Variants in MAP4K1 observed in about 807,000 individuals in gnomAD.
The protein encoded by MAP4K1 is MAPK/ERK kinase kinase kinase 1.
MAP4K1 carries 35 observed loss-of-function variants against 122.8 expected under a neutral mutation model. That is an observed-to-expected ratio of 0.29 (90% confidence interval 0.22 to 0.38). The LOEUF is 0.38. MAP4K1 is among the 10% of genes least tolerant of loss of function. The pLI, the probability that MAP4K1 is intolerant of heterozygous loss-of-function variation, is 1.00. For missense variants in MAP4K1, 791 were observed against 1,072.6 expected, an observed-to-expected ratio of 0.74 and a Z score of 3.67; for synonymous variants, 412 against 421.3, an observed-to-expected ratio of 0.98 and a Z score of 0.27.
At position 38,587,689 on chromosome 19, in the gene MAP4K1, A is replaced by G; in HGVS notation, c.*59T>C. 1 of 1,292,572 alleles carries G rather than the reference A, an allele frequency of 7.7e-7. No individual in the cohort carries two copies. 80.1% of individuals were successfully genotyped at this position (1,292,572 alleles called of 1,614,324 possible). On this transcript the variant is annotated 3_prime_UTR_variant, in exon 31 of 31. Coordinates refer to ENST00000396857, the MANE Select transcript of MAP4K1 (RefSeq NM_001042600.3). Reference sequence around the variant, plus strand: ...TGGGAGATGAGGACATGCCATGACCACTAGTGTGTCTATGGGGGAGGGGGT... The same window carrying G: ...TGGGAGATGAGGACATGCCATGACCGCTAGTGTGTCTATGGGGGAGGGGGT...
chr19:38,601,303 C>G (rs1243552153), intron 20 of MAP4K1, 138 bp downstream of exon 20: 11 of 700,306 alleles, frequency 1.6e-5, no homozygotes, highest in Non-Finnish European at 2.6e-5. Context: ...AGCTCCGCCC[C>G]TGTTTCAGCC....
chr19:38,596,126 G>A lies in MAP4K1; in HGVS notation c.2117-125C>T, dbSNP rs895779730. On this transcript the variant is annotated intron_variant, in intron 26 of 30. Transcript: ENST00000396857. ...TTCACAAGCAAGTGGGCTAAACCCC[G>A]CCCACCATCCCGGTCCCACCCCATC... is the stretch of plus-strand genomic sequence containing the variant. 18 of 1,287,700 alleles carry A rather than the reference G, an allele frequency of 1.4e-5. No homozygotes were observed. In the African/African-American group the frequency reaches 2.1e-4, roughly 15 times the overall value. 79.8% of individuals were successfully genotyped at this position (1,287,700 alleles called of 1,614,324 possible).
chr19:38,616,163 G>C, intron 4 of MAP4K1, 32 bp downstream of exon 4: 1 of 1,583,408 alleles, frequency 6.3e-7, no homozygotes, highest in Non-Finnish European at 8.6e-7. Context: ...GGATAGGGAG[G>C]GGTGCTTGGG....
rs55924696 is a variant in MAP4K1, at chr19:38,609,668, G to T, written c.934C>A (p.Pro312Thr). The change falls in exon 13 of 31, where the codon CCT (proline) becomes ACT (threonine). Residue 312 changes from proline (P) to threonine (T), a missense_variant. Physicochemically the swap from Pro to Thr is conservative, Grantham distance 38. This residue lies in a region of MAP4K1 where 303 missense variants were observed against 344.8 expected (regional missense o/e 0.88). Transcript: ENST00000396857. Reference sequence around the variant, plus strand: ...GATCTGATCCGCCGAGGGATAGCAGGGGGTAGCTGGGCAGAGGGGCAGCCA... The same window carrying T: ...GATCTGATCCGCCGAGGGATAGCAGTGGGTAGCTGGGCAGAGGGGCAGCCA... ...DIEDEEPELP[P>T]AIPRRIRSTH... The T allele has an allele frequency of 1.2e-3, 1,934 of 1,612,192 alleles. 2 individuals are homozygous for T. Among genetic ancestry groups the T allele is most frequent in the Non-Finnish European group, 1.2e-3 (1,384 of 1,179,276 alleles).
At chr19:38,588,986 G>A (rs191179895) in intron 30 of MAP4K1, among the ~76,000 whole-genome samples, 1 of 152,104 alleles carries the variant, frequency 6.6e-6, no homozygotes, top group Admixed American at 6.6e-5. Context: ...ATGAGACCAT[G>A]CTGGTATAAA....
At chr19:38,590,398 T>A (rs1410667839) in intron 30 of MAP4K1, among the ~76,000 whole-genome samples, 115 of 37,286 alleles carry the variant, frequency 3.1e-3, no homozygotes, top group African/African-American at 9.3e-3. Flanking sequence ...AAAAAAAATA[T>A]ATATATATAT....
At position 38,595,967 on chromosome 19, in the gene MAP4K1, C is replaced by T; in HGVS notation, c.2151G>A (p.Glu717=). The change falls in exon 27 of 31, where the codon GAG becomes GAA. Residue 717 remains glutamate, a synonymous_variant. Transcript: ENST00000396857. ...HRGPVQVTQV[E]EDMVMVLMDG... ...CCATCAACACCATCACCATATCTTCCTCTACCTGGGTCACCTGCACGGGTC... is the reference window on the plus strand; with the variant it reads ...CCATCAACACCATCACCATATCTTCTTCTACCTGGGTCACCTGCACGGGTC... The T allele has an allele frequency of 6.2e-7, 1 of 1,614,010 alleles. No homozygotes were observed. The highest frequency in any genetic ancestry group is 8.5e-7 in the Non-Finnish European group (1 of 1,179,980).
Position 38,597,414 on chromosome 19 carries a change from A to T in MAP4K1, c.1779-30T>A. 1 of 1,613,386 alleles carries T rather than the reference A, an allele frequency of 6.2e-7. No individual in the cohort carries two copies. The highest frequency in any genetic ancestry group is 8.5e-7 in the Non-Finnish European group (1 of 1,179,426). ...AGAATAGGTAGGTGTGAAGGGGGGT[A>T]GGACAGCAGGAGGCAGAGGGGCATG... On this transcript the variant is annotated intron_variant, in intron 23 of 30. Coordinates refer to ENST00000396857, the MANE Select transcript of MAP4K1 (RefSeq NM_001042600.3). The surrounding 1 kb of genome is among the most constrained non-coding windows in gnomAD (Gnocchi z 4.6).
At chr19:38,615,754 A>T (rs112844774) in intron 4 of MAP4K1, among the ~76,000 whole-genome samples, 1,861 of 152,158 alleles carry the variant, frequency 0.012, 33 homozygotes, top group African/African-American at 0.036. Context: ...GCCTCCCAGA[A>T]TCAAACGATT....
chr19:38,601,005 C>T (rs190890078), intron 20 of MAP4K1, among the ~76,000 whole-genome samples: 11 of 152,182 alleles, frequency 7.2e-5, no homozygotes, highest in Admixed American at 3.9e-4. Flanking sequence ...GAGGTTTTAC[C>T]ACGTTGGCCA....
intron 13 of MAP4K1, among the ~76,000 whole-genome samples, chr19:38,609,379 C>T (rs913516190): frequency 8.5e-5 from 13 of 152,110 alleles, no homozygotes; most frequent in African/African-American, 3.1e-4. Context: ...AGATGATCTG[C>T]CCACCTTGGC....
chr19:38,608,535 G>A (rs540343206), intron 13 of MAP4K1, among the ~76,000 whole-genome samples: 2 of 152,122 alleles, frequency 1.3e-5, no homozygotes, highest in East Asian at 1.9e-4. Context: ...AGTGGCTCAC[G>A]CCTGTAATCC....
intron 19 of MAP4K1, among the ~76,000 whole-genome samples, chr19:38,604,125 T>A (rs1975250454): frequency 2.3e-5 from 2 of 86,512 alleles, no homozygotes. Context: ...CGAGATACTA[T>A]CTCAAAAAAA....
chr19:38,599,623 C>T (rs1391007934), intron 22 of MAP4K1, among the ~76,000 whole-genome samples: 1 of 152,040 alleles, frequency 6.6e-6, no homozygotes, highest in Non-Finnish European at 1.5e-5. Context: ...GATTGTACCA[C>T]TGCGCTCCAG....
At chr19:38,602,726 A>G (rs1163258873) in intron 19 of MAP4K1, among the ~76,000 whole-genome samples, 1 of 148,716 alleles carries the variant, frequency 6.7e-6, no homozygotes, top group Admixed American at 6.7e-5. Context: ...ATACACACAT[A>G]TACATGTATA....
At position 38,590,373 on chromosome 19, in the gene MAP4K1, G is replaced by GAAAAAAAAAAAAAAAAAAA. The variant is rs1164261721; in HGVS notation, c.2397-2575_2397-2557dup. On this transcript the variant is annotated intron_variant, in intron 30 of 30. Coordinates refer to ENST00000396857, the MANE Select transcript of MAP4K1 (RefSeq NM_001042600.3). ...AAGTGCCACCTATGATCTTGGACCA[G>GAAAAAAAAAAAAAAAAAAA]AAAAAAAAAAAAAAAAAAAAAATAT... is the stretch of plus-strand genomic sequence containing the variant. 1.1e-4 allele frequency among the ~76,000 whole-genome samples: 2 copies of GAAAAAAAAAAAAAAAAAAA among 18,012 alleles called. 1 individual carries two copies. Among genetic ancestry groups the GAAAAAAAAAAAAAAAAAAA allele is most frequent in the South Asian group, 5.6e-3 (2 of 354 alleles). 11.8% of individuals were successfully genotyped at this position (18,012 alleles called of 152,430 possible).
At chr19:38,602,687 T>C (rs1452415959) in intron 19 of MAP4K1, among the ~76,000 whole-genome samples, 4 of 147,854 alleles carry the variant, frequency 2.7e-5, no homozygotes, top group African/African-American at 1.0e-4. Context: ...CGCATATACA[T>C]ATATACACAC....
At chr19:38,596,578 C>T (rs1297347426) in intron 25 of MAP4K1, 92 bp from the exon 26 acceptor site, 14 of 1,092,038 alleles carry the variant, frequency 1.3e-5, no homozygotes, top group Non-Finnish European at 1.7e-5. Flanking sequence ...ACTTCCGAAC[C>T]AGGGCCCTAA....
At chr19:38,598,911 G>T (rs898232663) in intron 22 of MAP4K1, among the ~76,000 whole-genome samples, 5 of 150,854 alleles carry the variant, frequency 3.3e-5, no homozygotes, top group Non-Finnish European at 5.9e-5. Context: ...TACTTGGGAG[G>T]GTGAGGCAGG....
Sources: gnomAD v4.1 joint callset for allele counts (sites outside exome capture counted in the v4.1 genomes callset) on GRCh38, gnomAD v4.1.1 for gene constraint, gnomAD v4.1.1 regional missense constraint, Gnocchi (gnomAD v3.1) non-coding constraint, MANE v1.5 for transcripts, NCBI Gene and HGNC (gene_info 2026-07-23, HGNC 2026-07-21) for gene names.